Variants in PRUNE1 observed in about 807,000 individuals in gnomAD.
PRUNE1 encodes the protein exopolyphosphatase PRUNE1.
Under a neutral mutation model 42.5 loss-of-function variants are expected in PRUNE1, and 25 were observed. The observed-to-expected ratio is 0.59, with a 90% CI of 0.43 to 0.82. The LOEUF (loss-of-function observed/expected upper bound fraction) is 0.82, where lower values mean the gene tolerates loss of function less well. PRUNE1 is among the 40% of genes least tolerant of loss of function. The probability of loss-of-function intolerance (pLI) is 0.00; values close to 1 mark genes in which losing one functional copy is unlikely to be tolerated. For synonymous variants in PRUNE1, 203 were observed against 217.1 expected (o/e 0.93, Z 0.57); for missense variants, 443 against 539.3 (o/e 0.82, Z 1.77).
rs1333675560 is a variant in PRUNE1 at position 151,035,362 on chromosome 1, G to C, written c.*1128G>C. 4 of 152,210 alleles carry C rather than the reference G, an allele frequency of 2.6e-5. No homozygotes were observed. The highest frequency in any genetic ancestry group is 5.9e-5 in the Non-Finnish European group (4 of 68,058). 9.4% of individuals were successfully genotyped at this position (152,210 alleles called of 1,614,324 possible). On this transcript the variant is annotated 3_prime_UTR_variant, in exon 8 of 8. Transcript: ENST00000271620. Reference sequence around the variant, plus strand: ...ACTCAGCCTCATGTAGCACGAATAGGGGTGTGGTTCATGGCGTGTTGACCC... The same window carrying C: ...ACTCAGCCTCATGTAGCACGAATAGCGGTGTGGTTCATGGCGTGTTGACCC...
rs587751387 is a variant in PRUNE1, at chr1:151,025,843, C to T, written c.679+170C>T. Among the ~76,000 whole-genome samples, 16 of 151,844 alleles carry T rather than the reference C, an allele frequency of 1.1e-4. No homozygotes were observed. In the South Asian group the frequency reaches 2.7e-3, roughly 26 times the overall value. On this transcript the variant is annotated intron_variant, in intron 5 of 7. Coordinates refer to ENST00000271620, the MANE Select transcript of PRUNE1 (RefSeq NM_021222.3). Reference sequence around the variant, plus strand: ...GCAACCTCGACCTCCTGGGTTCAAGCGATTCTCCTGCCTCAGCCTCCCGAG... The same window carrying T: ...GCAACCTCGACCTCCTGGGTTCAAGTGATTCTCCTGCCTCAGCCTCCCGAG...
chr1:151,027,908 G>A (rs910295393), intron 6 of PRUNE1, among the ~76,000 whole-genome samples: 1 of 152,096 alleles, frequency 6.6e-6, no homozygotes, highest in African/African-American at 2.4e-5. Context: ...GAGCCACTGT[G>A]CCCGGCCTCA....
In PRUNE1 at chr1:151,008,492, G is replaced by C. The variant is rs1041102716; in HGVS notation, c.-141G>C. 7 of 1,241,004 alleles carry C rather than the reference G, an allele frequency of 5.6e-6. No homozygotes were observed. In the South Asian group the frequency reaches 7.5e-5, roughly 13 times the overall value. The allele number at this position is 1,241,004 out of a possible 1,614,324, so 76.9% of individuals were successfully genotyped here. On this transcript the variant is annotated 5_prime_UTR_variant, in exon 1 of 8. Coordinates refer to ENST00000271620, the MANE Select transcript of PRUNE1 (RefSeq NM_021222.3). ...TCCCGGGGTCGGAGGCCGATTCGCC[G>C]TGTGGCGGGTTCGAGTCCCGCCTCC...
At position 151,028,857 on chromosome 1, in the gene PRUNE1, G is replaced by A; in HGVS notation, c.846G>A (p.Leu282=). The change falls in exon 7 of 8, where the codon CTG becomes CTA. Residue 282 remains leucine (L), a synonymous_variant. Coordinates refer to ENST00000271620, the MANE Select transcript of PRUNE1 (RefSeq NM_021222.3). Reference sequence around the variant, plus strand: ...GCCAGGCTCACAGCTATGATGTCCTGGTTGCCATGACTATCTTTTTCAACA... The same window carrying A: ...GCCAGGCTCACAGCTATGATGTCCTAGTTGCCATGACTATCTTTTTCAACA... ...AFCQAHSYDV[L]VAMTIFFNTH... The A allele has an allele frequency of 6.2e-7, 1 of 1,614,024 alleles. No individual in the cohort carries two copies. Among genetic ancestry groups the A allele is most frequent in the Non-Finnish European group, 8.5e-7 (1 of 1,179,924 alleles).
intron 1 of PRUNE1, among the ~76,000 whole-genome samples, chr1:151,017,233 G>A (rs587617160): frequency 6.6e-6 from 1 of 152,170 alleles, no homozygotes; most frequent in South Asian, 2.1e-4. Flanking sequence ...CTGTTTGAGT[G>A]CCCAAAGAAG....
At position 151,035,112 on chromosome 1, in the gene PRUNE1, C is replaced by T. The variant is rs1433802106; in HGVS notation, c.*878C>T. 1 of 152,202 alleles carries T rather than the reference C, an allele frequency of 6.6e-6. No individual in the cohort carries two copies. Among genetic ancestry groups the T allele is most frequent in the East Asian group, 1.9e-4 (1 of 5,202 alleles). The allele number at this position is 152,202 out of a possible 1,614,324, so 9.4% of individuals were successfully genotyped here. A position where few individuals can be genotyped will look rare whatever the true frequency, so the allele number is the denominator to read the frequency against. ...TCACATTAAAAGGAAGCATGGAGTT[C>T]TAATGCTCCCATAAACTATGTATTT... On this transcript the variant is annotated 3_prime_UTR_variant, in exon 8 of 8. Coordinates refer to ENST00000271620, the MANE Select transcript of PRUNE1 (RefSeq NM_021222.3).
chr1:151,011,092 A>C (rs1474580449), intron 1 of PRUNE1, among the ~76,000 whole-genome samples: 44 of 152,298 alleles, frequency 2.9e-4, no homozygotes. Context: ...GACACCGTTA[A>C]GTTTCTTGTG....
At chr1:151,016,094 G>A (rs1272880608) in intron 1 of PRUNE1, among the ~76,000 whole-genome samples, 3 of 152,106 alleles carry the variant, frequency 2.0e-5, no homozygotes, top group African/African-American at 4.8e-5. Context: ...AGAATTAGCC[G>A]GGCATCATGG....
At position 151,028,914 on chromosome 1, in the gene PRUNE1, T is replaced by A; in HGVS notation, c.903T>A (p.Ile301=). The part of the protein sequence containing the change: ...THNEPVRQLA[I]FCPHVALQTT... ...ATGAGCCAGTGCGGCAGTTGGCTAT[T>A]TTCTGTCCCCATGTGGCACTCCAAA... Residue 301 remains isoleucine, a synonymous_variant, in exon 7 of 8, where the codon ATT becomes ATA. Transcript: ENST00000271620. The A allele has an allele frequency of 6.2e-7, 1 of 1,613,902 alleles. No individual in the cohort carries two copies. Among genetic ancestry groups the A allele is most frequent in the Non-Finnish European group, 8.5e-7 (1 of 1,179,806 alleles).
chr1:151,012,586 T>C (rs1673841384), intron 1 of PRUNE1, among the ~76,000 whole-genome samples: 1 of 152,088 alleles, frequency 6.6e-6, no homozygotes, highest in Admixed American at 6.6e-5. Context: ...GAAGAGGATT[T>C]CTCTGGGCTG....
intron 2 of PRUNE1, 54 bp from the exon 3 acceptor site, chr1:151,018,413 T>C: frequency 6.8e-7 from 1 of 1,477,210 alleles, no homozygotes; most frequent in Non-Finnish European, 9.4e-7. Flanking sequence ...GTCTTGTTAC[T>C]TTTTCCTGTC....
intron 3 of PRUNE1, among the ~76,000 whole-genome samples, chr1:151,020,656 C>G (rs990444979): frequency 6.6e-6 from 1 of 151,876 alleles, no homozygotes; most frequent in Non-Finnish European, 1.5e-5. Context: ...TAAACTCTTA[C>G]GATTTTAGAA....
At position 151,035,236 on chromosome 1, in the gene PRUNE1, C is replaced by G. The variant is rs1675483601; in HGVS notation, c.*1002C>G. ...GTATTCTGTGATCTGCCTCTTGCTG[C>G]CATTCTTTCTCTCCTCTGCTTCTCT... On this transcript the variant is annotated 3_prime_UTR_variant, in exon 8 of 8. Transcript: ENST00000271620. 1 of 152,228 alleles carries G rather than the reference C, an allele frequency of 6.6e-6. No individual in the cohort carries two copies. Among genetic ancestry groups the G allele is most frequent in the Non-Finnish European group, 1.5e-5 (1 of 68,088 alleles). 9.4% of individuals were successfully genotyped at this position (152,228 alleles called of 1,614,324 possible). A position where few individuals can be genotyped will look rare whatever the true frequency, so the allele number is the denominator to read the frequency against.
intron 6 of PRUNE1, among the ~76,000 whole-genome samples, chr1:151,027,836 C>G (rs1475730927): frequency 6.6e-6 from 1 of 151,926 alleles, no homozygotes; most frequent in Admixed American, 6.6e-5. Context: ...CCAGGCTGGT[C>G]TCAAACTCCT....
rs745850065 is a variant in PRUNE1 at position 151,025,520 on chromosome 1, A to T, written c.526A>T (p.Ile176Phe). ...RQTAALLHGT[I>F]ILDCVNMDLK... is the part of the protein sequence containing the mutation. ...ACCATCTCCCTTCTCCACAGGAACC[A>T]TCATCCTGGACTGTGTCAACATGGA... The change falls in exon 5 of 8, where the codon ATC becomes TTC. Residue 176 changes from isoleucine to phenylalanine, a missense_variant. Coordinates refer to ENST00000271620, the MANE Select transcript of PRUNE1 (RefSeq NM_021222.3). 1 of 1,612,564 alleles carries T rather than the reference A, an allele frequency of 6.2e-7. No individual in the cohort carries two copies. Among genetic ancestry groups the T allele is most frequent in the South Asian group, 1.1e-5 (1 of 90,708 alleles).
intron 6 of PRUNE1, among the ~76,000 whole-genome samples, chr1:151,028,171 T>G (rs140990897): frequency 5.2e-4 from 79 of 152,298 alleles, no homozygotes; most frequent in African/African-American, 1.9e-3. Context: ...GGGAGGTTTT[T>G]CCTGACCACC....
chr1:151,032,713 CAA>C (rs35078895), intron 7 of PRUNE1, among the ~76,000 whole-genome samples: 3 of 138,280 alleles, frequency 2.2e-5, no homozygotes, highest in Non-Finnish European at 1.6e-5. Flanking sequence ...GACTCTGTCT[CAA>C]AAAAAAAAAA....
At position 151,025,729 on chromosome 1, in the gene PRUNE1, C is replaced by G. The variant is rs1254864806; in HGVS notation, c.679+56C>G. 6 of 1,503,918 alleles carry G rather than the reference C, an allele frequency of 4.0e-6. No homozygotes were observed. The African/African-American group carries it at 9.2e-5, about 23-fold the overall frequency. 93.2% of individuals were successfully genotyped at this position (1,503,918 alleles called of 1,614,324 possible). Reference sequence around the variant, plus strand: ...CCAGATAAGAAAACAGAAAGGCAAGCCTTGTTCATTATATTATTTTTTTTT... The same window carrying G: ...CCAGATAAGAAAACAGAAAGGCAAGGCTTGTTCATTATATTATTTTTTTTT... On this transcript the variant is annotated intron_variant, in intron 5 of 7. Coordinates refer to ENST00000271620, the MANE Select transcript of PRUNE1 (RefSeq NM_021222.3).
chr1:151,027,278 A>G lies in PRUNE1; in HGVS notation c.725A>G (p.Tyr242Cys), dbSNP rs587767000. 4 of 1,611,976 alleles carry G rather than the reference A, an allele frequency of 2.5e-6. No homozygotes were observed. Among genetic ancestry groups the G allele is most frequent in the African/African-American group, 1.3e-5 (1 of 75,006 alleles). Residue 242 changes from tyrosine (Y) to cysteine (C), a missense_variant, in exon 6 of 8, where the codon TAT (tyrosine) becomes TGT (cysteine). Coordinates refer to ENST00000271620, the MANE Select transcript of PRUNE1 (RefSeq NM_021222.3). ...CTGAGAAAAGACCAGAAGACTATCT[A>G]TAGACAAGGCGTCAAGGTGGCCATT... Reference protein sequence around the residue: ...QMLRKDQKTIYRQGVKVAISA... With the variant: ...QMLRKDQKTICRQGVKVAISA...
Sources: allele counts gnomAD v4.1 joint callset (sites outside exome capture counted in the v4.1 genomes callset), GRCh38; gene constraint gnomAD v4.1.1; transcripts MANE v1.5; gene names NCBI Gene and HGNC (gene_info 2026-07-23, HGNC 2026-07-21).